The following SYMPK variants were observed in gnomAD, a reference collection of about 807,000 sequenced individuals.
SYMPK encodes the protein symplekin.
A neutral mutation model predicts 136.4 loss-of-function variants in SYMPK; 49 were observed. The observed-to-expected ratio is 0.36, with a 90% CI of 0.29 to 0.46. The LOEUF (loss-of-function observed/expected upper bound fraction) is 0.46. Ranked by LOEUF, SYMPK falls within the 20% of genes least tolerant of loss-of-function variation. The pLI, the probability that SYMPK is intolerant of heterozygous loss-of-function variation, is 1.00. For missense variants in SYMPK, 1,365 were observed against 1,690.0 expected, an observed-to-expected ratio of 0.81 and a Z score of 3.37; for synonymous variants, 766 against 713.0, an observed-to-expected ratio of 1.07 and a Z score of -1.19.
chr19:45,860,019 A>G lies in SYMPK; in HGVS notation c.-13+3039T>C, dbSNP rs138657173. ...GTGCCATGAACCTTTAGTCCCAGCT[A>G]CTCTGGAGGCTAAGGTGGGAGGATT... On this transcript the variant is annotated intron_variant, in intron 1 of 26. Coordinates refer to ENST00000245934, the MANE Select transcript of SYMPK (RefSeq NM_004819.3). Among the ~76,000 whole-genome samples the G allele has an allele frequency of 3.3e-3, 488 of 148,976 alleles. 4 individuals carry two copies. Among genetic ancestry groups the G allele is most frequent in the African/African-American group, 0.011 (434 of 40,424 alleles).
chr19:45,850,608 C>A (rs114389634), intron 5 of SYMPK, among the ~76,000 whole-genome samples: 1 of 152,068 alleles, frequency 6.6e-6, no homozygotes, highest in African/African-American at 2.4e-5. Context: ...GGAGATAACA[C>A]GGGAAAGGAC....
At position 45,847,784 on chromosome 19, in the gene SYMPK, C is replaced by T. The variant is rs546469373; in HGVS notation, c.644G>A (p.Arg215His). The change falls in exon 7 of 27, where the codon CGC becomes CAC. Residue 215 changes from arginine to histidine, a missense_variant. Physicochemically the swap from Arg to His is conservative, Grantham distance 29. Coordinates refer to ENST00000245934, the MANE Select transcript of SYMPK (RefSeq NM_004819.3). The stretch of plus-strand genomic sequence containing the variant: ...GATGTAGGGGTGGTCACGAGGGATG[C>T]GGTCCAGGCTGATATCATGCTCCTG... ...RRQEHDISLD[R>H]IPRDHPYIQY... The T allele has an allele frequency of 2.5e-5, 40 of 1,613,798 alleles. No individual in the cohort carries two copies. Among genetic ancestry groups the T allele is most frequent in the Admixed American group, 6.7e-5 (4 of 59,988 alleles).
intron 10 of SYMPK, among the ~76,000 whole-genome samples, chr19:45,836,104 C>T (rs539500323): frequency 3.3e-5 from 5 of 151,432 alleles, no homozygotes; most frequent in Admixed American, 6.6e-5. Flanking sequence ...TTTTTTGGGA[C>T]GGAATCTCAC....
chr19:45,828,863 T>G, intron 14 of SYMPK, 107 bp downstream of exon 14: 1 of 1,106,310 alleles, frequency 9.0e-7, no homozygotes, highest in Admixed American at 2.0e-5. Flanking sequence ...CGAGGAGGAC[T>G]GACTCGGGGG....
At chr19:45,825,855 G>A (rs1971032380) in intron 17 of SYMPK, among the ~76,000 whole-genome samples, 1 of 151,948 alleles carries the variant, frequency 6.6e-6, no homozygotes, top group African/African-American at 2.4e-5. Context: ...TGGCACCTGG[G>A]CCAGGCCTCC....
rs763125062 is a variant in SYMPK, at chr19:45,821,461, G to C, written c.2816C>G (p.Pro939Arg). The C allele has an allele frequency of 3.7e-6, 6 of 1,613,820 alleles. No homozygotes were observed. The highest frequency in any genetic ancestry group is 1.1e-5 in the South Asian group (1 of 91,082). Residue 939 changes from proline (P) to arginine (R), a missense_variant, in exon 22 of 27, where the codon CCG (proline) becomes CGG (arginine). Physicochemically the swap from Pro to Arg is moderately radical, Grantham distance 103 (BLOSUM62 -2). Coordinates refer to ENST00000245934, the MANE Select transcript of SYMPK (RefSeq NM_004819.3). This position sits in a 1 kb window ranked among gnomAD's most constrained non-coding sequence, Gnocchi z 4.4. The part of the protein sequence containing the change: ...QHGEGNSALS[P>R]LNPGELLIAL... Reference sequence around the variant, plus strand: ...GATCAGGAGCTCTCCAGGGTTCAGCGGGGACAAGGCTGAGTTTCCCTCACC... The same window carrying C: ...GATCAGGAGCTCTCCAGGGTTCAGCCGGGACAAGGCTGAGTTTCCCTCACC...
chr19:45,835,140 G>T lies in SYMPK; in HGVS notation c.1331C>A (p.Ala444Asp). The T allele has an allele frequency of 1.2e-6, 2 of 1,613,350 alleles. No individual in the cohort carries two copies. Among genetic ancestry groups the T allele is most frequent in the Non-Finnish European group, 1.7e-6 (2 of 1,179,592 alleles). ...GAGCCGAGCCAGGTGCTTGATCTGGGCTTCCGTGCCTGCTGACTCCACGGG... is the reference window on the plus strand; with the variant it reads ...GAGCCGAGCCAGGTGCTTGATCTGGTCTTCCGTGCCTGCTGACTCCACGGG... ...YTPVESAGTE[A>D]QIKHLARLMA... Residue 444 changes from alanine (A) to aspartate (D), a missense_variant, in exon 11 of 27, where the codon GCC becomes GAC. This residue lies in a region of SYMPK where 15 missense variants were observed against 61.4 expected (regional missense o/e 0.24). Coordinates refer to ENST00000245934, the MANE Select transcript of SYMPK (RefSeq NM_004819.3).
In SYMPK at chr19:45,847,762, G is replaced by A. The variant is rs1971601394; in HGVS notation, c.666C>T (p.Tyr222=). ...SLDRIPRDHP[Y]IQYNVLWEEG... ...GAAGGCAGTACTCACTGTACTGGAT[G>A]TAGGGGTGGTCACGAGGGATGCGGT... The change falls in exon 7 of 27, where the codon TAC becomes TAT. Residue 222 remains tyrosine, a synonymous_variant. Transcript: ENST00000245934. The A allele has an allele frequency of 1.2e-6, 2 of 1,613,710 alleles. No homozygotes were observed. The highest frequency in any genetic ancestry group is 1.7e-6 in the Non-Finnish European group (2 of 1,179,910).
chr19:45,853,144 T>G (rs1226285146), intron 3 of SYMPK, among the ~76,000 whole-genome samples: 1 of 152,150 alleles, frequency 6.6e-6, no homozygotes, highest in Non-Finnish European at 1.5e-5. Flanking sequence ...AGGCACCAGG[T>G]GCATCCACTC....
chr19:45,844,521 G>C (rs1003132024), intron 7 of SYMPK, among the ~76,000 whole-genome samples: 7 of 152,058 alleles, frequency 4.6e-5, no homozygotes, highest in African/African-American at 1.7e-4. Flanking sequence ...AAAAATACAA[G>C]AAATTAGCCC....
At chr19:45,854,070 C>CT (rs1473833198) in intron 3 of SYMPK, 105 bp downstream of exon 3, 2 of 1,102,352 alleles carry the variant, frequency 1.8e-6, no homozygotes, top group Non-Finnish European at 2.8e-6. Context: ...CCGGCACACA[C>CT]TGAGTGTGTA....
intron 5 of SYMPK, among the ~76,000 whole-genome samples, chr19:45,851,175 G>GC (rs2146340284): frequency 6.6e-6 from 1 of 152,328 alleles, no homozygotes; most frequent in Non-Finnish European, 1.5e-5. Flanking sequence ...GCTGCTGAGT[G>GC]CAAGAGTGGA....
At chr19:45,842,649 G>C (rs1402358050) in intron 8 of SYMPK, 160 bp from the exon 9 acceptor site, 16 of 954,036 alleles carry the variant, frequency 1.7e-5, no homozygotes, top group Admixed American at 2.8e-5. Context: ...CTTACAAGCT[G>C]ATGCTTCAAA....
rs1293337842 is a variant in SYMPK at position 45,842,478 on chromosome 19, G to A, written c.859C>T (p.Pro287Ser). ...AYETLHANLP[P>S]TLAKSQVSSV... is the part of the protein sequence containing the mutation. ...CTCACCTGCGATTTGGCCAGCGTCG[G>A]GGGCAGGTTGGCTGTGAGGAAAGTG... The change falls in exon 9 of 27, where the codon CCG becomes TCG. Residue 287 changes from proline to serine, a missense_variant. Physicochemically the swap from Pro to Ser is moderately conservative, Grantham distance 74. This residue lies in a region of SYMPK where 237 missense variants were observed against 292.9 expected (regional missense o/e 0.81). Transcript: ENST00000245934. 2 of 1,611,394 alleles carry A rather than the reference G, an allele frequency of 1.2e-6. No individual in the cohort carries two copies.
chr19:45,825,423 G>A (rs1971018475), intron 17 of SYMPK, 92 bp from the exon 18 acceptor site: 4 of 1,463,308 alleles, frequency 2.7e-6, no homozygotes, highest in African/African-American at 1.4e-5. Context: ...CAGTGGAGCC[G>A]GGGAGGGCAG....
In SYMPK at chr19:45,826,384, A is replaced by C. The variant is rs899597967; in HGVS notation, c.2182-11T>G. On this transcript the variant is annotated splice_polypyrimidine_tract_variant and intron_variant, in intron 16 of 26. Transcript: ENST00000245934. ...GGCCTGGGAGCGCACCTGAGGAGGAAGATGGAGAAGGGCAGGGTCAGGGAA... is the reference window on the plus strand; with the variant it reads ...GGCCTGGGAGCGCACCTGAGGAGGACGATGGAGAAGGGCAGGGTCAGGGAA... 3.1e-6 allele frequency: 5 copies of C among 1,613,834 alleles called. No individual in the cohort carries two copies. The highest frequency in any genetic ancestry group is 4.2e-6 in the Non-Finnish European group (5 of 1,179,914).
chr19:45,827,150 G>A (rs1431800332), intron 16 of SYMPK, among the ~76,000 whole-genome samples: 2 of 152,128 alleles, frequency 1.3e-5, no homozygotes, highest in African/African-American at 2.4e-5. Flanking sequence ...CTCCCCTGCT[G>A]GGCTGGGCAA....
intron 8 of SYMPK, chr19:45,843,189 C>T (rs1207445365): frequency 2.6e-5 from 4 of 152,202 alleles, no homozygotes; most frequent in Admixed American, 6.5e-5. Context: ...CTCTCTTTCC[C>T]ATGGTGTTGC....
At chr19:45,839,917 A>G (rs749867227) in intron 9 of SYMPK, among the ~76,000 whole-genome samples, 1 of 152,222 alleles carries the variant, frequency 6.6e-6, no homozygotes, top group Non-Finnish European at 1.5e-5. Context: ...ATAGTTTCAA[A>G]TATCTCCCCC....
Sources: gnomAD v4.1 joint callset for allele counts (sites outside exome capture counted in the v4.1 genomes callset) on GRCh38, gnomAD v4.1.1 for gene constraint, gnomAD v4.1.1 regional missense constraint, Gnocchi (gnomAD v3.1) non-coding constraint, MANE v1.5 for transcripts, NCBI Gene and HGNC (gene_info 2026-07-23, HGNC 2026-07-21) for gene names.